Variants in FGR observed in about 807,000 individuals in gnomAD.
The protein encoded by FGR is FGR proto-oncogene, Src family tyrosine kinase.
Under a neutral mutation model 63.2 loss-of-function variants are expected in FGR, and 26 were observed. The ratio of observed to expected loss-of-function variants is 0.41; its 90% CI spans 0.30 to 0.57. The LOEUF is 0.57. Ranked by LOEUF, FGR falls within the 20% of genes least tolerant of loss-of-function variation. The pLI, the probability that FGR is intolerant of heterozygous loss-of-function variation, is 0.27. For missense variants in FGR, 511 were observed against 690.8 expected, an observed-to-expected ratio of 0.74 and a Z score of 2.92; for synonymous variants, 286 against 277.7, an observed-to-expected ratio of 1.03 and a Z score of -0.30.
At chr1:27,625,420 A>G (rs549558037) in intron 1 of FGR, among the ~76,000 whole-genome samples, 1 of 152,322 alleles carries the variant, frequency 6.6e-6, no homozygotes, top group African/African-American at 2.4e-5. Flanking sequence ...ATATATTTGC[A>G]TGAGTGTGCG....
intron 3 of FGR, 187 bp downstream of exon 3, chr1:27,623,504 C>A: frequency 1.5e-6 from 1 of 683,282 alleles, no homozygotes; most frequent in Non-Finnish European, 2.6e-6. Flanking sequence ...CTTCTTGACC[C>A]TCCCCTGCAG....
chr1:27,615,592 T>G lies in FGR; in HGVS notation c.860A>C (p.Lys287Thr), dbSNP rs148586227. The change falls in exon 9 of 13, where the codon AAG becomes ACG. Residue 287 changes from lysine (K) to threonine (T), a missense_variant. Coordinates refer to ENST00000374005, the MANE Select transcript of FGR (RefSeq NM_005248.3). The surrounding 1 kb of genome is among the most constrained non-coding windows in gnomAD (Gnocchi z 7.6). The part of the protein sequence containing the change: ...VWLGTWNGST[K>T]VAVKTLKPGT... The stretch of plus-strand genomic sequence containing the variant: ...CGGCTTCAGCGTCTTCACCGCCACC[T>G]TAGTGCTGCCGTTCCACGTGCCTGC... The G allele has an allele frequency of 7.4e-6, 12 of 1,611,078 alleles. No individual in the cohort carries two copies. The African/African-American group carries it at 1.5e-4, about 20-fold the overall frequency.
At chr1:27,633,646 T>A (rs1440735594) in intron 1 of FGR, among the ~76,000 whole-genome samples, 2 of 152,180 alleles carry the variant, frequency 1.3e-5, no homozygotes, top group Non-Finnish European at 2.9e-5. Flanking sequence ...ACTCGTGGGC[T>A]CCAGCGATCC....
At chr1:27,614,697 GC>G in intron 10 of FGR, 114 bp from the exon 11 acceptor site, 1 of 1,393,428 alleles carries the variant, frequency 7.2e-7, no homozygotes, top group Non-Finnish European at 9.9e-7. Flanking sequence ...GGAGACTGAG[GC>G]CCAGAAAGAG....
At chr1:27,633,401 G>A (rs907382866) in intron 1 of FGR, among the ~76,000 whole-genome samples, 5 of 152,154 alleles carry the variant, frequency 3.3e-5, no homozygotes, top group African/African-American at 9.7e-5. Context: ...CCCGAGGGGC[G>A]GCCAACTGGA....
In FGR at chr1:27,614,518, G is replaced by C; in HGVS notation, c.1161C>G (p.Asn387Lys). ...NYIHRDLRAANILVGERLACK... is the reference protein window; with the variant it reads ...NYIHRDLRAAKILVGERLACK... Reference sequence around the variant, plus strand: ...ACGCCAGCCGCTCCCCAACCAGGATGTTGGCTGCCCTCAGGTCGCGGTGAA... The same window carrying C: ...ACGCCAGCCGCTCCCCAACCAGGATCTTGGCTGCCCTCAGGTCGCGGTGAA... The change falls in exon 11 of 13, where the codon AAC (asparagine) becomes AAG (lysine). Residue 387 changes from asparagine to lysine, a missense_variant. Transcript: ENST00000374005. The C allele has an allele frequency of 6.2e-7, 1 of 1,614,096 alleles. No homozygotes were observed. The highest frequency in any genetic ancestry group is 8.5e-7 in the Non-Finnish European group (1 of 1,179,984).
chr1:27,623,350 T>C, intron 3 of FGR: 1 of 599,946 alleles, frequency 1.7e-6, no homozygotes, highest in Non-Finnish European at 3.0e-6. Context: ...CCTCCCACCA[T>C]GGAGGATCCC....
In FGR at chr1:27,617,489, T is replaced by G. The variant is rs1292089; in HGVS notation, c.429-193A>C. ...AATGCCTGGCACACAGTAGGTGCCC[T>G]GCAAAGGTTAGCATCTCTTCTCGTT... is the stretch of plus-strand genomic sequence containing the variant. On this transcript the variant is annotated intron_variant, in intron 5 of 12. Transcript: ENST00000374005. The surrounding 1 kb of genome is among the most constrained non-coding windows in gnomAD (Gnocchi z 4.5). Among the ~76,000 whole-genome samples the G allele has an allele frequency of 2.0e-5, 3 of 152,144 alleles. No homozygotes were observed. The highest frequency in any genetic ancestry group is 7.2e-5 in the African/African-American group (3 of 41,410).
At chr1:27,624,561 ATG>A in intron 2 of FGR, among the ~76,000 whole-genome samples, 1 of 152,042 alleles carries the variant, frequency 6.6e-6, no homozygotes, top group Middle Eastern at 3.4e-3. Flanking sequence ...GTGGGTATGC[ATG>A]TGTGTGCAGC....
intron 1 of FGR, among the ~76,000 whole-genome samples, chr1:27,630,212 C>A (rs568601212): frequency 1.3e-5 from 2 of 152,210 alleles, no homozygotes; most frequent in South Asian, 2.1e-4. Context: ...TGCCAACACG[C>A]CTGGCTAATT....
At chr1:27,626,644 G>T in intron 1 of FGR, 1 of 154,306 alleles carries the variant, frequency 6.5e-6, no homozygotes, top group Non-Finnish European at 1.4e-5. Context: ...TGTGGGGCGG[G>T]CTGTGGTGAG....
At chr1:27,614,326 G>A in intron 11 of FGR, 104 bp downstream of exon 11, 4 of 1,309,054 alleles carry the variant, frequency 3.1e-6, no homozygotes, top group Non-Finnish European at 4.2e-6. Flanking sequence ...AGGATGGGGC[G>A]ACTCGGGCGA....
Position 27,615,546 on chromosome 1 carries a change from G to A in FGR, c.906C>T (p.Ala302=), listed in dbSNP as rs1232965282. ...TCATGACCTGCGCCTCCTCCAGGAA[G>A]GCCTTCGGGGACATGGTGCCCGGCT... The part of the protein sequence containing the change: ...TLKPGTMSPK[A]FLEEAQVMKL... Residue 302 remains alanine (A), a synonymous_variant, in exon 9 of 13, where the codon GCC becomes GCT. Coordinates refer to ENST00000374005, the MANE Select transcript of FGR (RefSeq NM_005248.3). The surrounding 1 kb of genome is among the most constrained non-coding windows in gnomAD (Gnocchi z 7.6). 1.2e-6 allele frequency: 2 copies of A among 1,613,966 alleles called. No homozygotes were observed. The highest frequency in any genetic ancestry group is 3.3e-4 in the Middle Eastern group (2 of 6,062).
At chr1:27,622,991 G>T in intron 4 of FGR, 51 bp downstream of exon 4, 1 of 1,332,582 alleles carries the variant, frequency 7.5e-7, no homozygotes, top group Non-Finnish European at 1.1e-6. Context: ...TCCTGTCTGT[G>T]TCCTGCTCCC....
At chr1:27,630,419 A>G (rs181141390) in intron 1 of FGR, among the ~76,000 whole-genome samples, 107 of 152,240 alleles carry the variant, frequency 7.0e-4, no homozygotes, top group Non-Finnish European at 1.4e-3. Context: ...GTGGCTCAAG[A>G]CAATTTTTCT....
At position 27,615,357 on chromosome 1, in the gene FGR, C is replaced by T. The variant is rs930497805; in HGVS notation, c.1018+77G>A. The T allele has an allele frequency of 1.8e-5, 26 of 1,475,666 alleles. No individual in the cohort carries two copies. The Admixed American group carries it at 3.8e-4, about 21-fold the overall frequency. 91.4% of individuals were successfully genotyped at this position (1,475,666 alleles called of 1,614,324 possible). A position where few individuals can be genotyped will look rare whatever the true frequency, so the allele number is the denominator to read the frequency against. On this transcript the variant is annotated intron_variant, in intron 9 of 12. Transcript: ENST00000374005. This position sits in a 1 kb window ranked among gnomAD's most constrained non-coding sequence, Gnocchi z 7.6. Reference sequence around the variant, plus strand: ...ATTGTCCCTTGTCCCTCACAGATCGCGTCCCAGGTCCCACGCCTGAAAACT... The same window carrying T: ...ATTGTCCCTTGTCCCTCACAGATCGTGTCCCAGGTCCCACGCCTGAAAACT...
chr1:27,614,951 G>C (rs755337653), intron 9 of FGR, 25 bp from the exon 10 acceptor site: 12 of 1,574,066 alleles, frequency 7.6e-6, no homozygotes, highest in Non-Finnish European at 9.5e-6. Context: ...GAAAGTCAGC[G>C]GCAAAGCCCT....
chr1:27,612,565 A>T lies in FGR; in HGVS notation c.*349T>A. ...TGAGATAAAAGGAGAGTAGGAAAGC[A>T]GTGATAGGAGAGAAGTGAGGGAGGT... On this transcript the variant is annotated 3_prime_UTR_variant, in exon 13 of 13. Transcript: ENST00000374005. 4.5e-6 allele frequency: 1 copy of T among 221,474 alleles called. No individual in the cohort carries two copies. Among genetic ancestry groups the T allele is most frequent in the Non-Finnish European group, 9.1e-6 (1 of 110,020 alleles). 13.7% of individuals were successfully genotyped at this position (221,474 alleles called of 1,614,324 possible). A position where few individuals can be genotyped will look rare whatever the true frequency, so the allele number is the denominator to read the frequency against.
chr1:27,623,998 G>A, intron 2 of FGR, 69 bp from the exon 3 acceptor site: 17 of 1,315,732 alleles, frequency 1.3e-5, no homozygotes, highest in Non-Finnish European at 1.8e-5. Flanking sequence ...ACACGCGCAT[G>A]CACATGCTCA....
Sources: gnomAD v4.1 joint callset for allele counts (sites outside exome capture counted in the v4.1 genomes callset) on GRCh38, gnomAD v4.1.1 for gene constraint, Gnocchi (gnomAD v3.1) non-coding constraint, MANE v1.5 for transcripts, NCBI Gene and HGNC (gene_info 2026-07-23, HGNC 2026-07-21) for gene names.